SLAMF8: variants seen among roughly 807,000 people sequenced by gnomAD.
The protein encoded by SLAMF8 is SLAM family member 8, also known as B lymphocyte activator macrophage expressed.
In SLAMF8, 23 loss-of-function variants were observed where a neutral mutation model predicts 29.0. The observed-to-expected ratio is 0.79, with a 90% confidence interval of 0.57 to 1.13. SLAMF8 has a LOEUF of 1.13. Among genes scored for constraint, SLAMF8 ranks in the 50% most tolerant of loss-of-function variants. The probability of loss-of-function intolerance (pLI) is 0.00; values close to 1 mark genes in which losing one functional copy is unlikely to be tolerated. For missense variants in SLAMF8, 381 were observed against 353.1 expected (o/e 1.08, Z -0.63); for synonymous variants, 139 against 145.6 (o/e 0.96, Z 0.32).
chr1:159,834,783 G>A, intron 4 of SLAMF8: 1 of 172,640 alleles, frequency 5.8e-6, no homozygotes, highest in South Asian at 1.4e-4. Flanking sequence ...TTCACTTAGT[G>A]TCATGTCCTC....
At position 159,829,939 on chromosome 1, in the gene SLAMF8, G is replaced by A. The variant is rs114545551; in HGVS notation, c.114G>A (p.Ala38=). 1,134 of 1,614,234 alleles carry A rather than the reference G, an allele frequency of 7.0e-4. 11 individuals are homozygous for A. In the East Asian group the frequency reaches 0.018, roughly 25 times the overall value. ...GGGGCTCGGTGCTGCTGGTGGCAGCGCGTCCCCCTGGCTTCCAAGTCCGTG... is the reference window on the plus strand; with the variant it reads ...GGGGCTCGGTGCTGCTGGTGGCAGCACGTCCCCCTGGCTTCCAAGTCCGTG... The part of the protein sequence containing the change: ...KVGGSVLLVA[A]RPPGFQVREA... Residue 38 remains alanine, a synonymous_variant, in exon 2 of 5, where the codon GCG becomes GCA. Transcript: ENST00000289707.
intron 2 of SLAMF8, 146 bp from the exon 3 acceptor site, chr1:159,832,730 G>C: frequency 1.2e-6 from 1 of 807,494 alleles, no homozygotes; most frequent in Non-Finnish European, 2.0e-6. Context: ...CTTCTGTCCT[G>C]TGGGCAGTGG....
rs1187431588 is a variant in SLAMF8 at position 159,830,164 on chromosome 1, G to C, written c.339G>C (p.Trp113Cys). 1 of 1,608,778 alleles carries C rather than the reference G, an allele frequency of 6.2e-7. No homozygotes were observed. Among genetic ancestry groups the C allele is most frequent in the Non-Finnish European group, 8.5e-7 (1 of 1,176,380 alleles). Residue 113 changes from tryptophan (W) to cysteine (C), a missense_variant, in exon 2 of 5, where the codon TGG becomes TGC. Coordinates refer to ENST00000289707, the MANE Select transcript of SLAMF8 (RefSeq NM_020125.3). The stretch of plus-strand genomic sequence containing the variant: ...TGGTGGACACAAGGGGCCAGCCCTG[G>C]ACCCAGACCCTCCAGCTCAAGGTGT... The part of the protein sequence containing the change: ...VLMVDTRGQP[W>C]TQTLQLKVYD...
In SLAMF8 at chr1:159,836,809, A is replaced by G; in HGVS notation, c.*1549A>G. On this transcript the variant is annotated 3_prime_UTR_variant, in exon 5 of 5. Coordinates refer to ENST00000289707, the MANE Select transcript of SLAMF8 (RefSeq NM_020125.3). ...GGTTCCCTGTTGGTAACCTGGCTTT[A>G]TCAAATTCTCATCCCTTTCCCACAC... 1 of 985,524 alleles carries G rather than the reference A, an allele frequency of 1.0e-6. No individual in the cohort carries two copies. 61.0% of individuals were successfully genotyped at this position (985,524 alleles called of 1,614,324 possible).
Position 159,837,036 on chromosome 1 carries a change from T to A in SLAMF8, c.*1776T>A. The A allele has an allele frequency of 1.0e-6, 1 of 985,326 alleles. No homozygotes were observed. The highest frequency in any genetic ancestry group is 1.2e-6 in the Non-Finnish European group (1 of 829,930). 61.0% of individuals were successfully genotyped at this position (985,326 alleles called of 1,614,324 possible). On this transcript the variant is annotated 3_prime_UTR_variant, in exon 5 of 5. Coordinates refer to ENST00000289707, the MANE Select transcript of SLAMF8 (RefSeq NM_020125.3). Reference sequence around the variant, plus strand: ...CTGACAATGAGCCCTGGTGGATTTGTGGGGAAAAAATACACAGCACTCCCC... The same window carrying A: ...CTGACAATGAGCCCTGGTGGATTTGAGGGGAAAAAATACACAGCACTCCCC...
intron 1 of SLAMF8, 55 bp downstream of exon 1, chr1:159,826,993 C>G (rs1663661548): frequency 1.7e-5 from 28 of 1,606,116 alleles, no homozygotes; most frequent in Non-Finnish European, 2.2e-5. Flanking sequence ...CCCTCCCCAG[C>G]TGCCTATGCC....
At position 159,836,588 on chromosome 1, in the gene SLAMF8, G is replaced by T. The variant is rs977533061; in HGVS notation, c.*1328G>T. 9 of 985,344 alleles carry T rather than the reference G, an allele frequency of 9.1e-6. No homozygotes were observed. The highest frequency in any genetic ancestry group is 9.6e-6 in the Non-Finnish European group (8 of 829,954). 61.0% of individuals were successfully genotyped at this position (985,344 alleles called of 1,614,324 possible). ...GTATTGAAGAAACAGGGGTGGGTTTGAAGTACTATTTTCCCAGGGTGGCTT... is the reference window on the plus strand; with the variant it reads ...GTATTGAAGAAACAGGGGTGGGTTTTAAGTACTATTTTCCCAGGGTGGCTT... On this transcript the variant is annotated 3_prime_UTR_variant, in exon 5 of 5. Coordinates refer to ENST00000289707, the MANE Select transcript of SLAMF8 (RefSeq NM_020125.3).
In SLAMF8 at chr1:159,836,988, A is replaced by C; in HGVS notation, c.*1728A>C. ...AAACTGGCCTCAGTCCCTAAAAATG[A>C]TGTGGAAAGGAAAGCCCAGGATCTG... On this transcript the variant is annotated 3_prime_UTR_variant, in exon 5 of 5. Transcript: ENST00000289707. 1.0e-6 allele frequency: 1 copy of C among 985,366 alleles called. No homozygotes were observed. The highest frequency in any genetic ancestry group is 4.7e-5 in the South Asian group (1 of 21,286). 61.0% of individuals were successfully genotyped at this position (985,366 alleles called of 1,614,324 possible). A position where few individuals can be genotyped will look rare whatever the true frequency, so the allele number is the denominator to read the frequency against.
rs768567707 is a variant in SLAMF8, at chr1:159,829,884, T to A, written c.59T>A (p.Val20Asp). Reference protein sequence around the residue: ...LLWEALLPITVTGAQVLSKVG... With the variant: ...LLWEALLPITDTGAQVLSKVG... ...CTTTCAGCCCTACTTCCCATTACAG[T>A]TACTGGTGCCCAAGTGCTGAGCAAA... Residue 20 changes from valine (V) to aspartate (D), a missense_variant, in exon 2 of 5, where the codon GTT (valine) becomes GAT (aspartate). By Grantham distance (152) the Val-to-Asp change is radical. Transcript: ENST00000289707. 8 of 1,611,750 alleles carry A rather than the reference T, an allele frequency of 5.0e-6. No homozygotes were observed. The South Asian group carries it at 7.7e-5, about 16-fold the overall frequency.
At chr1:159,830,753 TA>T (rs1262483453) in intron 2 of SLAMF8, among the ~76,000 whole-genome samples, 1 of 152,216 alleles carries the variant, frequency 6.6e-6, no homozygotes, top group Non-Finnish European at 1.5e-5. Flanking sequence ...AAACTGTAAT[TA>T]AAAGTATAGA....
intron 2 of SLAMF8, among the ~76,000 whole-genome samples, chr1:159,830,967 T>C (rs1647445959): frequency 6.6e-6 from 1 of 152,168 alleles, no homozygotes; most frequent in African/African-American, 2.4e-5. Context: ...TGCAGAGCCA[T>C]TCGCGCAGCT....
chr1:159,827,019 G>A (rs1030638884), intron 1 of SLAMF8, 81 bp downstream of exon 1: 4 of 1,568,570 alleles, frequency 2.6e-6, no homozygotes, highest in Non-Finnish European at 3.5e-6. Context: ...TCTGGGCAGG[G>A]ATCCCTCGAC....
Position 159,836,393 on chromosome 1 carries a change from G to T in SLAMF8, c.*1133G>T, listed in dbSNP as rs1557894182. On this transcript the variant is annotated 3_prime_UTR_variant, in exon 5 of 5. Coordinates refer to ENST00000289707, the MANE Select transcript of SLAMF8 (RefSeq NM_020125.3). ...AGGAAAATACATTCTGCCCCTGAAT[G>T]ATTCTGTCTAGAAAAGCTCTGGAGT... The T allele has an allele frequency of 2.2e-5, 22 of 985,292 alleles. No individual in the cohort carries two copies. Among genetic ancestry groups the T allele is most frequent in the Non-Finnish European group, 2.7e-5 (22 of 829,946 alleles). The allele number at this position is 985,292 out of a possible 1,614,324, so 61.0% of individuals were successfully genotyped here.
intron 1 of SLAMF8, among the ~76,000 whole-genome samples, chr1:159,827,836 C>CT (rs912058942): frequency 5.8e-4 from 85 of 145,848 alleles, no homozygotes; most frequent in East Asian, 7.9e-4. Flanking sequence ...AATAATTTGC[C>CT]TTTTTTTTTT....
In SLAMF8 at chr1:159,829,901, C is replaced by A; in HGVS notation, c.76C>A (p.Leu26Met). The A allele has an allele frequency of 6.2e-7, 1 of 1,613,624 alleles. No individual in the cohort carries two copies. The change falls in exon 2 of 5, where the codon CTG becomes ATG. Residue 26 changes from leucine to methionine, a missense_variant. Physicochemically the swap from Leu to Met is conservative, Grantham distance 15 (BLOSUM62 2). Coordinates refer to ENST00000289707, the MANE Select transcript of SLAMF8 (RefSeq NM_020125.3). ...CATTACAGTTACTGGTGCCCAAGTG[C>A]TGAGCAAAGTCGGGGGCTCGGTGCT... ...LPITVTGAQVLSKVGGSVLLV... is the reference protein window; with the variant it reads ...LPITVTGAQVMSKVGGSVLLV...
In SLAMF8 at chr1:159,830,093, C is replaced by T. The variant is rs1647368899; in HGVS notation, c.268C>T (p.Leu90Phe). 1.9e-6 allele frequency: 3 copies of T among 1,614,242 alleles called. No homozygotes were observed. In the South Asian group the frequency reaches 3.3e-5, roughly 18 times the overall value. ...AQLHSNLSLE[L>F]GPLESGDSGN... ...GCTACACAGCAACCTCAGCCTGGAG[C>T]TCGGGCCGCTGGAGTCTGGAGACAG... The change falls in exon 2 of 5, where the codon CTC (leucine) becomes TTC (phenylalanine). Residue 90 changes from leucine (L) to phenylalanine (F), a missense_variant. Physicochemically the swap from Leu to Phe is conservative, Grantham distance 22. Coordinates refer to ENST00000289707, the MANE Select transcript of SLAMF8 (RefSeq NM_020125.3).
Position 159,829,898 on chromosome 1 carries a change from G to C in SLAMF8, c.73G>C (p.Val25Leu). The C allele has an allele frequency of 1.2e-6, 2 of 1,613,722 alleles. No homozygotes were observed. Among genetic ancestry groups the C allele is most frequent in the Non-Finnish European group, 1.7e-6 (2 of 1,179,768 alleles). ...TCCCATTACAGTTACTGGTGCCCAA[G>C]TGCTGAGCAAAGTCGGGGGCTCGGT... ...LLPITVTGAQ[V>L]LSKVGGSVLL... Residue 25 changes from valine to leucine, a missense_variant, in exon 2 of 5, where the codon GTG becomes CTG. Transcript: ENST00000289707.
At chr1:159,828,218 G>T (rs1663746993) in intron 1 of SLAMF8, among the ~76,000 whole-genome samples, 1 of 152,188 alleles carries the variant, frequency 6.6e-6, no homozygotes, top group African/African-American at 2.4e-5. Context: ...CAGTGGTACT[G>T]AAGCCTGGGG....
Position 159,829,985 on chromosome 1 carries a change from T to C in SLAMF8, c.160T>C (p.Trp54Arg), listed in dbSNP as rs755353273. ...QVREAIWRSL[W>R]PSEELLATFF... Reference sequence around the variant, plus strand: ...CCGTGAGGCTATCTGGCGATCTCTCTGGCCTTCAGAAGAGCTCCTGGCCAC... The same window carrying C: ...CCGTGAGGCTATCTGGCGATCTCTCCGGCCTTCAGAAGAGCTCCTGGCCAC... Residue 54 changes from tryptophan to arginine, a missense_variant, in exon 2 of 5, where the codon TGG becomes CGG. Coordinates refer to ENST00000289707, the MANE Select transcript of SLAMF8 (RefSeq NM_020125.3). 6.2e-7 allele frequency: 1 copy of C among 1,614,256 alleles called. No homozygotes were observed. The highest frequency in any genetic ancestry group is 8.5e-7 in the Non-Finnish European group (1 of 1,180,044).
Sources: allele counts gnomAD v4.1 joint callset (sites outside exome capture counted in the v4.1 genomes callset), GRCh38; gene constraint gnomAD v4.1.1; transcripts MANE v1.5; gene names NCBI Gene and HGNC (gene_info 2026-07-23, HGNC 2026-07-21).